The following PGPEP1 variants were observed in gnomAD, a reference collection of about 807,000 sequenced individuals.
PGPEP1 encodes pyroglutamyl-peptidase 1.
In PGPEP1, 15 loss-of-function variants were observed where a neutral mutation model predicts 24.1. The observed-to-expected ratio is 0.62, with a 90% CI of 0.42 to 0.96. The LOEUF (loss-of-function observed/expected upper bound fraction) is 0.96. Among genes scored for constraint, PGPEP1 ranks in the 40% least tolerant of loss-of-function variants. The pLI, the probability that PGPEP1 is intolerant of heterozygous loss-of-function variation, is 0.00. For missense variants in PGPEP1, 242 were observed against 273.4 expected, an observed-to-expected ratio of 0.89 and a Z score of 0.81; for synonymous variants, 122 against 116.4, an observed-to-expected ratio of 1.05 and a Z score of -0.31.
chr19:18,351,616 C>T (rs964826442), intron 2 of PGPEP1, among the ~76,000 whole-genome samples: 1 of 141,128 alleles, frequency 7.1e-6, no homozygotes, highest in African/African-American at 2.8e-5. Context: ...AAAAGCAAAA[C>T]TCCGTCTCAA....
Position 18,357,420 on chromosome 19 carries a change from C to G in PGPEP1, c.242C>G (p.Thr81Arg), listed in dbSNP as rs143326827. 2.4e-4 allele frequency: 383 copies of G among 1,614,030 alleles called. 1 individual carries two copies. Among genetic ancestry groups the G allele is most frequent in the Non-Finnish European group, 2.3e-4 (276 of 1,180,000 alleles). The change falls in exon 4 of 5, where the codon ACA becomes AGA. Residue 81 changes from threonine (T) to arginine (R), a missense_variant. Coordinates refer to ENST00000269919, the MANE Select transcript of PGPEP1 (RefSeq NM_017712.4). ...GTGGGGGTGTCAGGCATGGCGACCA[C>G]AGTCACACTGGAGAAATGTGGACAC... ...VHVGVSGMAT[T>R]VTLEKCGHNK...
At chr19:18,363,033 T>TTGTGTG (rs201259409) in intron 4 of PGPEP1, among the ~76,000 whole-genome samples, 1,579 of 136,754 alleles carry the variant, frequency 0.012, 14 homozygotes, top group South Asian at 0.015. Flanking sequence ...TTTTTTTTGT[T>TTGTGTG]TGTGTGTGTG....
At chr19:18,341,960 C>T (rs1970681827) in intron 1 of PGPEP1, among the ~76,000 whole-genome samples, 1 of 151,598 alleles carries the variant, frequency 6.6e-6, no homozygotes, top group African/African-American at 2.4e-5. Context: ...CAAGCTGGAG[C>T]ACAACGGCGC....
intron 2 of PGPEP1, among the ~76,000 whole-genome samples, chr19:18,347,271 T>TTTTC (rs1970878750): frequency 2.1e-4 from 2 of 9,664 alleles, no homozygotes; most frequent in Non-Finnish European, 8.6e-4. Context: ...TCTTTCTTTC[T>TTTTC]TTTTTTTTTT....
At chr19:18,354,769 C>T (rs1971130227) in intron 2 of PGPEP1, among the ~76,000 whole-genome samples, 1 of 152,064 alleles carries the variant, frequency 6.6e-6, no homozygotes, top group Non-Finnish European at 1.5e-5. Flanking sequence ...CTTCCAGCCT[C>T]AGCCTCTCAA....
At chr19:18,361,369 C>A (rs1216812408) in intron 4 of PGPEP1, among the ~76,000 whole-genome samples, 1 of 151,880 alleles carries the variant, frequency 6.6e-6, no homozygotes, top group Non-Finnish European at 1.5e-5. Flanking sequence ...GAACTCCTGA[C>A]CTCAGGTGAT....
chr19:18,349,943 A>G (rs946032691), intron 2 of PGPEP1, among the ~76,000 whole-genome samples: 1 of 151,812 alleles, frequency 6.6e-6, no homozygotes, highest in Non-Finnish European at 1.5e-5. Context: ...GCCCAGGCTG[A>G]CCTCAAACTC....
chr19:18,356,536 T>C (rs1007804208), intron 3 of PGPEP1, among the ~76,000 whole-genome samples: 2 of 150,728 alleles, frequency 1.3e-5, no homozygotes, highest in African/African-American at 4.9e-5. Flanking sequence ...TGCTTGAGTC[T>C]AGGAGTTTGA....
intron 4 of PGPEP1, chr19:18,361,641 C>T: frequency 1.5e-6 from 1 of 689,576 alleles, no homozygotes; most frequent in Non-Finnish European, 1.8e-6. Flanking sequence ...AGAACATATC[C>T]TCATATGTCT....
At chr19:18,363,033 TTGTGTGTGTG>T (rs201259409) in intron 4 of PGPEP1, among the ~76,000 whole-genome samples, 29 of 136,786 alleles carry the variant, frequency 2.1e-4, no homozygotes, top group African/African-American at 6.3e-4. Context: ...TTTTTTTTGT[TTGTGTGTGTG>T]TGTGTGTGTG....
intron 1 of PGPEP1, among the ~76,000 whole-genome samples, chr19:18,341,015 C>T (rs1355872295): frequency 6.6e-6 from 1 of 152,128 alleles, no homozygotes; most frequent in African/African-American, 2.4e-5. Context: ...GGTGACCCTC[C>T]TGGCACCTGC....
At chr19:18,348,488 G>A (rs566916974) in intron 2 of PGPEP1, among the ~76,000 whole-genome samples, 1 of 152,286 alleles carries the variant, frequency 6.6e-6, no homozygotes, top group South Asian at 2.1e-4. Context: ...TGCTTTGATG[G>A]TGCATGAGGC....
chr19:18,345,245 G>A (rs753919477), intron 2 of PGPEP1, among the ~76,000 whole-genome samples: 21 of 151,892 alleles, frequency 1.4e-4, no homozygotes, highest in Non-Finnish European at 2.1e-4. Flanking sequence ...CAGGGGATCC[G>A]CCCGCCTCGG....
intron 4 of PGPEP1, among the ~76,000 whole-genome samples, chr19:18,358,362 G>A (rs1971250598): frequency 7.0e-6 from 1 of 142,960 alleles, no homozygotes; most frequent in South Asian, 2.2e-4. Context: ...TTGGGTTCAA[G>A]CGGTTCTCCT....
rs946307406 is a variant in PGPEP1, at chr19:18,355,963, A to G, written c.156A>G (p.Gln52=). ...LHVYEIPVEY[Q]TVQRLIPALW... ...TGTACGAGATTCCGGTTGAGTACCA[A>G]ACAGTCCAGAGACTCATCCCCGCCC... is the stretch of plus-strand genomic sequence containing the variant. Residue 52 remains glutamine, a synonymous_variant, in exon 3 of 5, where the codon CAA becomes CAG. Coordinates refer to ENST00000269919, the MANE Select transcript of PGPEP1 (RefSeq NM_017712.4). The G allele has an allele frequency of 1.9e-6, 3 of 1,613,520 alleles. No homozygotes were observed. Among genetic ancestry groups the G allele is most frequent in the Non-Finnish European group, 2.5e-6 (3 of 1,179,654 alleles).
intron 4 of PGPEP1, chr19:18,358,107 G>GC: frequency 5.3e-6 from 1 of 188,196 alleles, no homozygotes; most frequent in African/African-American, 2.4e-5. Flanking sequence ...GCAGCTGGTG[G>GC]CTGCTGGCCA....
At chr19:18,348,107 G>A (rs1033367949) in intron 2 of PGPEP1, among the ~76,000 whole-genome samples, 2 of 152,038 alleles carry the variant, frequency 1.3e-5, no homozygotes, top group Non-Finnish European at 2.9e-5. Context: ...CAAGCACGAG[G>A]CACCATGTGT....
intron 4 of PGPEP1, among the ~76,000 whole-genome samples, chr19:18,363,033 TTGTGTGTGTGTGTG>T (rs201259409): frequency 4.4e-5 from 6 of 136,686 alleles, no homozygotes; most frequent in African/African-American, 8.3e-5. Context: ...TTTTTTTTGT[TTGTGTGTGTGTGTG>T]TGTGTGTGTG....
intron 2 of PGPEP1, among the ~76,000 whole-genome samples, chr19:18,348,544 C>T (rs1475510280): frequency 6.6e-6 from 1 of 152,044 alleles, no homozygotes; most frequent in African/African-American, 2.4e-5. Flanking sequence ...GGTGCCCTGC[C>T]CCCCTTCTCC....
Sources: allele counts gnomAD v4.1 joint callset (sites outside exome capture counted in the v4.1 genomes callset), GRCh38; gene constraint gnomAD v4.1.1; transcripts MANE v1.5; gene names NCBI Gene and HGNC (gene_info 2026-07-23, HGNC 2026-07-21).